GABRG3: variants seen among roughly 807,000 people sequenced by gnomAD.
GABRG3 encodes the protein gamma-aminobutyric acid type A receptor subunit gamma3.
GABRG3 carries 25 observed loss-of-function variants against 48.8 expected under a neutral mutation model. That is an observed-to-expected ratio of 0.51 (90% confidence interval 0.37 to 0.72). GABRG3 has a LOEUF of 0.72. Ranked by LOEUF, GABRG3 falls within the 30% of genes least tolerant of loss-of-function variation. The pLI is 0.00. For synonymous variants in GABRG3, 227 were observed against 217.6 expected (o/e 1.04, Z -0.38); for missense variants, 394 against 577.9 (o/e 0.68, Z 3.26).
intron 5 of GABRG3, among the ~76,000 whole-genome samples, chr15:27,381,295 A>G (rs533095077): frequency 2.1e-4 from 32 of 152,310 alleles, no homozygotes; most frequent in African/African-American, 6.7e-4. Context: ...TTAAGAACAG[A>G]ATGCTCTCGG....
intron 3 of GABRG3, among the ~76,000 whole-genome samples, chr15:27,300,304 C>T (rs991938846): frequency 3.9e-5 from 6 of 152,248 alleles, no homozygotes; most frequent in African/African-American, 1.4e-4. Flanking sequence ...ACAGACTCAA[C>T]AGACACCCAT....
chr15:27,301,650 A>T (rs919979310), intron 3 of GABRG3, among the ~76,000 whole-genome samples: 1 of 152,018 alleles, frequency 6.6e-6, no homozygotes, highest in Non-Finnish European at 1.5e-5. Context: ...TTTCATATGT[A>T]TCACAATTTA....
At chr15:26,971,763 C>T (rs536791471) in intron 1 of GABRG3, among the ~76,000 whole-genome samples, 175 bp downstream of exon 1, 2 of 152,288 alleles carry the variant, frequency 1.3e-5, no homozygotes, top group African/African-American at 2.4e-5. Context: ...CCCTTGGACA[C>T]GGTCATCTGC....
intron 3 of GABRG3, among the ~76,000 whole-genome samples, chr15:27,077,322 T>C (rs773055492): frequency 8.5e-5 from 13 of 152,166 alleles, no homozygotes; most frequent in Non-Finnish European, 1.8e-4. Context: ...TTTCTTCAGA[T>C]GACAATTAGG....
Position 27,533,072 on chromosome 15 carries a change from A to T in GABRG3, c.*191A>T. 1 of 567,634 alleles carries T rather than the reference A, an allele frequency of 1.8e-6. No homozygotes were observed. Among genetic ancestry groups the T allele is most frequent in the Non-Finnish European group, 3.1e-6 (1 of 320,318 alleles). The allele number at this position is 567,634 out of a possible 1,614,324, so 35.2% of individuals were successfully genotyped here. On this transcript the variant is annotated 3_prime_UTR_variant, in exon 10 of 10. Transcript: ENST00000615808. ...TTATGTATTTTACACACACACATAC[A>T]TACACACACACAGCTAATTGAGTTT...
At chr15:27,100,705 C>T (rs1897340538) in intron 3 of GABRG3, among the ~76,000 whole-genome samples, 2 of 152,096 alleles carry the variant, frequency 1.3e-5, no homozygotes, top group South Asian at 4.1e-4. Context: ...CACCATATTA[C>T]AGGCAAAAGA....
intron 6 of GABRG3, among the ~76,000 whole-genome samples, chr15:27,492,564 A>G (rs1029732409): frequency 6.6e-6 from 1 of 152,224 alleles, no homozygotes; most frequent in Non-Finnish European, 1.5e-5. Flanking sequence ...TCTTTCTGCC[A>G]TTTTAACTAA....
At chr15:27,423,217 C>CAAA (rs112058241) in intron 5 of GABRG3, among the ~76,000 whole-genome samples, 18 of 16,570 alleles carry the variant, frequency 1.1e-3, no homozygotes, top group African/African-American at 2.5e-3. Context: ...CCCAGGTATA[C>CAAA]AAAAAAAAAA....
chr15:27,018,096 C>G (rs187172562), intron 2 of GABRG3, among the ~76,000 whole-genome samples: 1 of 152,120 alleles, frequency 6.6e-6, no homozygotes, highest in African/African-American at 2.4e-5. Context: ...CCTGTTATAA[C>G]GAACAGAATT....
rs909223149 is a variant in GABRG3, at chr15:27,457,598, G to A, written c.575-23052G>A. ...CCTGCCCCGTATCTAAAGTGGCTTG[G>A]CCAGGATTGATCCACTGTACCAGCC... On this transcript the variant is annotated intron_variant, in intron 5 of 9. Transcript: ENST00000615808. This position sits in a 1 kb window ranked among gnomAD's most constrained non-coding sequence, Gnocchi z 4.4. Among the ~76,000 whole-genome samples, 1 of 152,106 alleles carries A rather than the reference G, an allele frequency of 6.6e-6. No individual in the cohort carries two copies. The highest frequency in any genetic ancestry group is 2.4e-5 in the African/African-American group (1 of 41,398).
chr15:27,383,678 GA>G (rs142545924), intron 5 of GABRG3, among the ~76,000 whole-genome samples: 10 of 148,300 alleles, frequency 6.7e-5, no homozygotes, highest in Admixed American at 1.3e-4. Context: ...AAGTCTAAAG[GA>G]AAAAAAAAAT....
chr15:27,067,935 A>G (rs887025425), intron 3 of GABRG3, among the ~76,000 whole-genome samples: 5 of 152,220 alleles, frequency 3.3e-5, no homozygotes, highest in Non-Finnish European at 7.3e-5. Flanking sequence ...TGAAAAGTTT[A>G]ATATAGAGAA....
intron 3 of GABRG3, among the ~76,000 whole-genome samples, chr15:27,202,458 G>T (rs535528863): frequency 2.0e-5 from 3 of 152,230 alleles, no homozygotes; most frequent in Admixed American, 1.3e-4. Flanking sequence ...TGCATTGCTG[G>T]CTGGAAGCAC....
intron 5 of GABRG3, among the ~76,000 whole-genome samples, chr15:27,338,167 G>T (rs1173153987): frequency 6.6e-6 from 1 of 152,070 alleles, no homozygotes; most frequent in East Asian, 1.9e-4. Flanking sequence ...CCCTTGAGTG[G>T]GGCCAGTCTG....
At chr15:27,191,326 T>G (rs1046226174) in intron 3 of GABRG3, among the ~76,000 whole-genome samples, 1 of 152,200 alleles carries the variant, frequency 6.6e-6, no homozygotes, top group Non-Finnish European at 1.5e-5. Flanking sequence ...CAGTGGGGTG[T>G]TAAAGTCTCC....
chr15:27,246,303 C>A (rs2140456656), intron 3 of GABRG3, among the ~76,000 whole-genome samples: 1 of 152,202 alleles, frequency 6.6e-6, no homozygotes, highest in South Asian at 2.1e-4. Context: ...AATCCCAAGA[C>A]AATATGGTAT....
chr15:27,259,030 C>T, intron 3 of GABRG3, among the ~76,000 whole-genome samples: 1 of 152,156 alleles, frequency 6.6e-6, no homozygotes, highest in Non-Finnish European at 1.5e-5. Flanking sequence ...TTTTGCTTAA[C>T]ATAATGAACT....
chr15:27,268,821 C>T lies in GABRG3; in HGVS notation c.271-57988C>T, dbSNP rs151246615. On this transcript the variant is annotated intron_variant, in intron 3 of 9. Coordinates refer to ENST00000615808, the MANE Select transcript of GABRG3 (RefSeq NM_033223.5). ...CCTTCCCATACTCTCAGCTTCATTT[C>T]TTCACCTCAAGGAGTCCTCTTGGCT... 5.0e-3 allele frequency among the ~76,000 whole-genome samples: 765 copies of T among 152,262 alleles called. 6 individuals are homozygous for T. Among genetic ancestry groups the T allele is most frequent in the African/African-American group, 0.018 (736 of 41,548 alleles).
At chr15:27,504,642 A>G (rs933703020) in intron 6 of GABRG3, among the ~76,000 whole-genome samples, 1 of 152,046 alleles carries the variant, frequency 6.6e-6, no homozygotes, top group Non-Finnish European at 1.5e-5. Context: ...TGTAGTTACC[A>G]TTTCCGGGAC....
Sources: allele counts gnomAD v4.1 joint callset (sites outside exome capture counted in the v4.1 genomes callset), GRCh38; gene constraint gnomAD v4.1.1; non-coding constraint Gnocchi (gnomAD v3.1); transcripts MANE v1.5; gene names NCBI Gene and HGNC (gene_info 2026-07-23, HGNC 2026-07-21).